Variants in ADGRL2 observed in about 807,000 individuals in gnomAD.
ADGRL2 encodes the protein adhesion G protein-coupled receptor L2, also known as calcium-independent alpha-latrotoxin receptor 2.
In ADGRL2, 44 loss-of-function variants were observed where a neutral mutation model predicts 157.4. The ratio of observed to expected loss-of-function variants is 0.28; its 90% CI spans 0.22 to 0.36. The LOEUF (loss-of-function observed/expected upper bound fraction) is 0.36, where lower values mean the gene tolerates loss of function less well. Among genes scored for constraint, ADGRL2 ranks in the 10% least tolerant of loss-of-function variants. ADGRL2 has a pLI of 1.00. For synonymous variants in ADGRL2, 585 were observed against 624.7 expected (o/e 0.94, Z 0.95); for missense variants, 1,510 against 1,768.9 (o/e 0.85, Z 2.63).
intron 1 of ADGRL2, among the ~76,000 whole-genome samples, chr1:81,436,338 G>A (rs189550121): frequency 2.0e-5 from 3 of 152,140 alleles, no homozygotes; most frequent in Non-Finnish European, 4.4e-5. Flanking sequence ...ACTCACTGAC[G>A]GGTTTGATAC....
chr1:81,390,733 A>G (rs2076530912), intron 1 of ADGRL2, among the ~76,000 whole-genome samples: 1 of 152,310 alleles, frequency 6.6e-6, no homozygotes, highest in Non-Finnish European at 1.5e-5. Context: ...ATGTTTCTGT[A>G]TCAGTACATA....
intron 1 of ADGRL2, among the ~76,000 whole-genome samples, chr1:81,322,830 G>T (rs1341694935): frequency 1.3e-5 from 2 of 152,150 alleles, no homozygotes; most frequent in South Asian, 2.1e-4. Flanking sequence ...CAATGGATAT[G>T]GATCACTATG....
chr1:81,569,338 G>A (rs758599853), intron 2 of ADGRL2, among the ~76,000 whole-genome samples: 36 of 152,220 alleles, frequency 2.4e-4, no homozygotes, highest in Admixed American at 1.4e-3. Context: ...TGGTAGATCC[G>A]GGGTTCAAAC....
intron 3 of ADGRL2, among the ~76,000 whole-genome samples, chr1:81,917,713 G>C (rs1557908573): frequency 6.6e-6 from 1 of 152,140 alleles, no homozygotes. Context: ...TCTGAAATGA[G>C]AGTTGCTCTA....
At chr1:81,715,693 T>C (rs1248167964) in intron 1 of ADGRL2, among the ~76,000 whole-genome samples, 1 of 152,194 alleles carries the variant, frequency 6.6e-6, no homozygotes, top group Non-Finnish European at 1.5e-5. Flanking sequence ...AATATAGCTC[T>C]GCATACATGT....
intron 2 of ADGRL2, among the ~76,000 whole-genome samples, chr1:81,453,037 G>T (rs756361125): frequency 1.3e-5 from 2 of 152,152 alleles, no homozygotes; most frequent in South Asian, 2.1e-4. Flanking sequence ...CTCCTGAATG[G>T]TTCATTTGCT....
intron 2 of ADGRL2, chr1:81,557,475 A>AAGG (rs1165921140): frequency 2.1e-4 from 2 of 9,736 alleles, no homozygotes; most frequent in East Asian, 0.033. Context: ...AAGAAGAAAG[A>AAGG]AAGAAAGAAG....
At chr1:81,351,587 A>G (rs1662894085) in intron 1 of ADGRL2, among the ~76,000 whole-genome samples, 1 of 140,852 alleles carries the variant, frequency 7.1e-6, no homozygotes, top group East Asian at 2.0e-4. Context: ...GAAAAAAATG[A>G]TTCCAGATTA....
intron 2 of ADGRL2, among the ~76,000 whole-genome samples, chr1:81,770,104 C>CT (rs1490223919): frequency 6.6e-6 from 1 of 150,574 alleles, no homozygotes; most frequent in Non-Finnish European, 1.5e-5. Context: ...GTCCACCTGC[C>CT]TCAGCCTCCC....
intron 2 of ADGRL2, among the ~76,000 whole-genome samples, chr1:81,838,900 G>A (rs550312862): frequency 2.6e-5 from 4 of 151,936 alleles, no homozygotes; most frequent in African/African-American, 9.7e-5. Flanking sequence ...TCCCTCCTAC[G>A]GGTAAAAAGA....
intron 2 of ADGRL2, among the ~76,000 whole-genome samples, chr1:81,843,321 C>G (rs1005249559): frequency 6.6e-6 from 1 of 151,936 alleles, no homozygotes; most frequent in African/African-American, 2.4e-5. Flanking sequence ...TTAGTAGACA[C>G]GGGGTTTCAC....
chr1:81,747,150 C>T (rs1001457718), intron 1 of ADGRL2, among the ~76,000 whole-genome samples: 8 of 133,232 alleles, frequency 6.0e-5, no homozygotes, highest in South Asian at 2.2e-4. Context: ...TACATATATA[C>T]GTATATATGT....
chr1:81,685,594 A>G (rs1403190943), intron 3 of ADGRL2, among the ~76,000 whole-genome samples: 1 of 152,068 alleles, frequency 6.6e-6, no homozygotes, highest in Non-Finnish European at 1.5e-5. Flanking sequence ...TGACAGTCTG[A>G]CTTCCTCTTT....
At position 81,913,995 on chromosome 1, in the gene ADGRL2, TAC is replaced by T. The variant is rs150093627; in HGVS notation, c.287+6786_287+6787del. ...ACAAGGGAGATACTTAATGCACACATACACACACACACACACACACACCCCTT... is the reference window on the plus strand; with the variant it reads ...ACAAGGGAGATACTTAATGCACACATACACACACACACACACACACCCCTT... On this transcript the variant is annotated intron_variant, in intron 3 of 23. Coordinates refer to ENST00000686636, the MANE Select transcript of ADGRL2 (RefSeq NM_001366006.2). Among the ~76,000 whole-genome samples, 546 of 147,246 alleles carry T rather than the reference TAC, an allele frequency of 3.7e-3. 4 individuals are homozygous for T. Among genetic ancestry groups the T allele is most frequent in the African/African-American group, 0.011 (455 of 40,422 alleles).
At chr1:81,658,800 G>A (rs1209387157) in intron 3 of ADGRL2, among the ~76,000 whole-genome samples, 3 of 151,944 alleles carry the variant, frequency 2.0e-5, no homozygotes, top group Non-Finnish European at 4.4e-5. Flanking sequence ...TGCCCAGGCT[G>A]GAGTGCGATG....
chr1:81,536,354 A>G (rs2079736925), intron 2 of ADGRL2, among the ~76,000 whole-genome samples: 1 of 152,220 alleles, frequency 6.6e-6, no homozygotes, highest in African/African-American at 2.4e-5. Flanking sequence ...AGAAAAACAA[A>G]CAAAATTCTC....
At chr1:81,929,619 A>G (rs2095183916) in intron 3 of ADGRL2, among the ~76,000 whole-genome samples, 1 of 152,182 alleles carries the variant, frequency 6.6e-6, no homozygotes, top group African/African-American at 2.4e-5. Context: ...GAGTAAAAGC[A>G]ATTTGTTGGG....
At chr1:81,363,792 A>T (rs542252241) in intron 1 of ADGRL2, among the ~76,000 whole-genome samples, 4 of 152,256 alleles carry the variant, frequency 2.6e-5, no homozygotes, top group African/African-American at 9.6e-5. Context: ...AAAACTGTAT[A>T]ATCTCATTGG....
At position 81,990,855 on chromosome 1, in the gene ADGRL2, C is replaced by G. The variant is rs1394425538; in HGVS notation, c.4120C>G (p.Gln1374Glu). 2 of 1,614,098 alleles carry G rather than the reference C, an allele frequency of 1.2e-6. No individual in the cohort carries two copies. The highest frequency in any genetic ancestry group is 1.7e-6 in the Non-Finnish European group (2 of 1,180,004). Residue 1374 changes from glutamine (Q) to glutamate (E), a missense_variant, in exon 24 of 24, where the codon CAG (glutamine) becomes GAG (glutamate). Gln to Glu is a conservative substitution (Grantham distance 29, BLOSUM62 2). This residue lies in a region of ADGRL2 where 327 missense variants were observed against 310.1 expected (regional missense o/e 1.05). Transcript: ENST00000686636. ...GACAGCAGAGGCTGAAGATCACCTA[C>G]AGTCCCCCAACAGAGACTCTCTTTA... is the stretch of plus-strand genomic sequence containing the variant. ...QLTAEAEDHL[Q>E]SPNRDSLYTS...
Sources: gnomAD v4.1 joint callset for allele counts (sites outside exome capture counted in the v4.1 genomes callset) on GRCh38, gnomAD v4.1.1 for gene constraint, gnomAD v4.1.1 regional missense constraint, MANE v1.5 for transcripts, NCBI Gene and HGNC (gene_info 2026-07-23, HGNC 2026-07-21) for gene names.